Variants in NT5C2 observed in about 807,000 individuals in gnomAD.
The protein encoded by NT5C2 is 5'-nucleotidase, cytosolic II, also known as cytosolic purine 5'-nucleotidase.
A neutral mutation model predicts 76.1 loss-of-function variants in NT5C2; 58 were observed. The ratio of observed to expected loss-of-function variants is 0.76; its 90% confidence interval spans 0.62 to 0.95. The LOEUF is 0.95. Ranked by LOEUF, NT5C2 falls within the 40% of genes least tolerant of loss-of-function variation. The pLI, the probability that NT5C2 is intolerant of heterozygous loss-of-function variation, is 0.00. For missense variants in NT5C2, 478 were observed against 690.3 expected (o/e 0.69, Z 3.45); for synonymous variants, 229 against 237.4 (o/e 0.96, Z 0.32).
chr10:103,160,755 C>T (rs1227879885), intron 3 of NT5C2, among the ~76,000 whole-genome samples: 1 of 152,192 alleles, frequency 6.6e-6, no homozygotes, highest in African/African-American at 2.4e-5. Flanking sequence ...TGGCTCACGC[C>T]TGTAATCCCA....
intron 3 of NT5C2, among the ~76,000 whole-genome samples, chr10:103,171,338 T>C (rs1405803169): frequency 6.6e-6 from 1 of 152,254 alleles, no homozygotes; most frequent in African/African-American, 2.4e-5. Flanking sequence ...TTAGCTTTCC[T>C]ATACAGAGAA....
intron 1 of NT5C2, among the ~76,000 whole-genome samples, chr10:103,188,882 T>A (rs1236334359): frequency 6.6e-6 from 1 of 151,932 alleles, no homozygotes; most frequent in Non-Finnish European, 1.5e-5. Context: ...CATGCCTGTA[T>A]TCTCAGCATG....
At chr10:103,114,908 C>A (rs1297333902) in intron 4 of NT5C2, among the ~76,000 whole-genome samples, 3 of 152,218 alleles carry the variant, frequency 2.0e-5, no homozygotes, top group Non-Finnish European at 4.4e-5. Flanking sequence ...TAACCAACTA[C>A]AGTATTAGTG....
At chr10:103,133,024 C>T (rs2078514395) in intron 4 of NT5C2, among the ~76,000 whole-genome samples, 1 of 152,182 alleles carries the variant, frequency 6.6e-6, no homozygotes, top group African/African-American at 2.4e-5. Context: ...ACCCAAATGT[C>T]ATCTTGAATT....
intron 4 of NT5C2, among the ~76,000 whole-genome samples, chr10:103,132,880 T>A (rs141236323): frequency 6.6e-6 from 1 of 152,074 alleles, no homozygotes; most frequent in African/African-American, 2.4e-5. Flanking sequence ...AAAAAAATTA[T>A]GTCAAGAGTT....
intron 1 of NT5C2, among the ~76,000 whole-genome samples, chr10:103,188,729 C>T (rs1323280152): frequency 6.6e-6 from 1 of 152,088 alleles, no homozygotes; most frequent in Non-Finnish European, 1.5e-5. Flanking sequence ...GGGCTGGGCG[C>T]AGTGGCTTAT....
chr10:103,107,790 C>T (rs1356514061), intron 4 of NT5C2, among the ~76,000 whole-genome samples: 1 of 152,038 alleles, frequency 6.6e-6, no homozygotes, highest in African/African-American at 2.4e-5. Context: ...GGTTCTCTCT[C>T]TATTGTGTAA....
chr10:103,132,585 C>G (rs1262978079), intron 4 of NT5C2, among the ~76,000 whole-genome samples: 1 of 151,944 alleles, frequency 6.6e-6, no homozygotes, highest in Non-Finnish European at 1.5e-5. Context: ...ACTCTGTCAC[C>G]CAAGCTGGAG....
intron 2 of NT5C2, among the ~76,000 whole-genome samples, chr10:103,176,728 G>A (rs941850128): frequency 6.6e-6 from 1 of 152,074 alleles, no homozygotes; most frequent in Non-Finnish European, 1.5e-5. Context: ...GGCTGGTCTC[G>A]AACTCCTGGG....
chr10:103,123,375 G>C (rs925134768), intron 4 of NT5C2, among the ~76,000 whole-genome samples: 7 of 152,114 alleles, frequency 4.6e-5, no homozygotes, highest in Admixed American at 4.6e-4. Flanking sequence ...GTGGTTTGCT[G>C]TACCACACCC....
At chr10:103,097,143 C>A in intron 11 of NT5C2, 148 bp downstream of exon 11, 1 of 535,360 alleles carries the variant, frequency 1.9e-6, no homozygotes, top group South Asian at 3.2e-5. Flanking sequence ...CACTGTTATC[C>A]TGTATATTTT....
Position 103,183,017 on chromosome 10 carries a change from G to A in NT5C2, c.-168-1689C>T, listed in dbSNP as rs182442864. Among the ~76,000 whole-genome samples, 618 of 151,912 alleles carry A rather than the reference G, an allele frequency of 4.1e-3. 2 individuals carry two copies. Among genetic ancestry groups the A allele is most frequent in the Non-Finnish European group, 5.5e-3 (374 of 67,958 alleles). On this transcript the variant is annotated intron_variant, in intron 1 of 18. Coordinates refer to ENST00000404739, the MANE Select transcript of NT5C2 (RefSeq NM_001351169.2). ...TGCTTAAGGGCCTCTCTGTAACATA[G>A]CCACAGACCAACTTACTTACAAATA... is the stretch of plus-strand genomic sequence containing the variant.
intron 3 of NT5C2, among the ~76,000 whole-genome samples, chr10:103,169,902 G>A (rs772315216): frequency 6.6e-6 from 1 of 152,038 alleles, no homozygotes; most frequent in Non-Finnish European, 1.5e-5. Flanking sequence ...TGAGGCAGGC[G>A]GATCACAAGG....
At chr10:103,104,972 A>C (rs1230226053) in intron 6 of NT5C2, among the ~76,000 whole-genome samples, 1 of 152,216 alleles carries the variant, frequency 6.6e-6, no homozygotes, top group Non-Finnish European at 1.5e-5. Context: ...AGGTGGCATA[A>C]CAGTAGAGAA....
At chr10:103,094,165 T>A (rs2067606313) in intron 13 of NT5C2, 127 bp from the exon 14 acceptor site, 8 of 551,672 alleles carry the variant, frequency 1.5e-5, no homozygotes, top group South Asian at 1.3e-4. Context: ...TGAATGGCAC[T>A]TACTCTTTTC....
At chr10:103,091,523 C>T in intron 16 of NT5C2, 41 bp downstream of exon 16, 1 of 1,454,134 alleles carries the variant, frequency 6.9e-7, no homozygotes, top group East Asian at 2.3e-5. Context: ...CTAAGTGATT[C>T]CTGAGTAAGT....
chr10:103,107,780 G>T (rs1226234079), intron 4 of NT5C2, among the ~76,000 whole-genome samples: 1 of 152,034 alleles, frequency 6.6e-6, no homozygotes, highest in Admixed American at 6.6e-5. Context: ...GGCAATGAGG[G>T]GTTCTCTCTC....
intron 2 of NT5C2, among the ~76,000 whole-genome samples, chr10:103,176,735 T>C (rs2090038689): frequency 6.6e-6 from 1 of 152,152 alleles, no homozygotes; most frequent in Non-Finnish European, 1.5e-5. Flanking sequence ...CTCGAACTCC[T>C]GGGTTCAAGC....
chr10:103,156,601 T>C (rs886121412), intron 3 of NT5C2, among the ~76,000 whole-genome samples: 3 of 148,714 alleles, frequency 2.0e-5, no homozygotes, highest in African/African-American at 7.5e-5. Context: ...ACTAAAAATA[T>C]GAAATTAGCC....
Sources: allele counts gnomAD v4.1 joint callset (sites outside exome capture counted in the v4.1 genomes callset), GRCh38; gene constraint gnomAD v4.1.1; transcripts MANE v1.5; gene names NCBI Gene and HGNC (gene_info 2026-07-23, HGNC 2026-07-21).